Variants in PARM1 observed in about 807,000 individuals in gnomAD.
The protein encoded by PARM1 is prostate androgen-regulated mucin-like protein 1, also known as WSC4, cell wall integrity and stress response component 4 homolog.
PARM1 carries 14 observed loss-of-function variants against 24.6 expected under a neutral mutation model. The ratio of observed to expected loss-of-function variants is 0.57; its 90% CI spans 0.38 to 0.89. PARM1 has a LOEUF of 0.89. Ranked by LOEUF, PARM1 falls within the 40% of genes least tolerant of loss-of-function variation. The pLI is 0.00. For missense variants in PARM1, 362 were observed against 380.4 expected, an observed-to-expected ratio of 0.95 and a Z score of 0.40; for synonymous variants, 179 against 156.6, an observed-to-expected ratio of 1.14 and a Z score of -1.07.
intron 2 of PARM1, among the ~76,000 whole-genome samples, chr4:75,017,932 A>G (rs748634502): frequency 6.6e-6 from 1 of 152,244 alleles, no homozygotes. Flanking sequence ...TTCAGGTAAG[A>G]TAATAAATTT....
At chr4:75,018,256 G>A (rs1168279129) in intron 2 of PARM1, among the ~76,000 whole-genome samples, 2 of 152,200 alleles carry the variant, frequency 1.3e-5, no homozygotes, top group African/African-American at 4.8e-5. Context: ...GGGAGACACT[G>A]TAGATGTAGG....
chr4:75,032,924 G>A (rs1418469335), intron 2 of PARM1, among the ~76,000 whole-genome samples: 3 of 152,142 alleles, frequency 2.0e-5, no homozygotes, highest in Non-Finnish European at 4.4e-5. Context: ...TAAGTATTAG[G>A]GGACAAGAGC....
chr4:74,997,049 G>C (rs1172560845), intron 1 of PARM1, among the ~76,000 whole-genome samples: 1 of 152,198 alleles, frequency 6.6e-6, no homozygotes, highest in Non-Finnish European at 1.5e-5. Flanking sequence ...ATGAAGACTA[G>C]TGAATGCAAT....
At chr4:74,946,504 G>A (rs935275795) in intron 1 of PARM1, among the ~76,000 whole-genome samples, 2 of 152,182 alleles carry the variant, frequency 1.3e-5, no homozygotes, top group Non-Finnish European at 2.9e-5. Context: ...TCTTATAGGT[G>A]CTGAGACTAT....
At chr4:74,938,955 G>A (rs972924158) in intron 1 of PARM1, among the ~76,000 whole-genome samples, 8 of 152,236 alleles carry the variant, frequency 5.3e-5, no homozygotes, top group South Asian at 2.1e-4. Context: ...GGCTAGTATT[G>A]CCAAATTTAG....
chr4:74,941,570 G>A (rs1407999938), intron 1 of PARM1, among the ~76,000 whole-genome samples: 1 of 152,158 alleles, frequency 6.6e-6, no homozygotes, highest in Non-Finnish European at 1.5e-5. Context: ...CATTTTTAGA[G>A]CAATAAGGGA....
chr4:75,013,577 G>C lies in PARM1; in HGVS notation c.769+427G>C, dbSNP rs564728726. Among the ~76,000 whole-genome samples, 38 of 152,324 alleles carry C rather than the reference G, an allele frequency of 2.5e-4. No individual in the cohort carries two copies. The South Asian group carries it at 7.0e-3, about 28-fold the overall frequency. On this transcript the variant is annotated intron_variant, in intron 2 of 3. Transcript: ENST00000307428. ...CACACAGTTCTTGTGGAGATTAACT[G>C]AAATGACATAAAGCACTTAGAACAG...
intron 1 of PARM1, among the ~76,000 whole-genome samples, chr4:74,971,613 G>C (rs986741547): frequency 2.0e-5 from 3 of 152,142 alleles, no homozygotes; most frequent in African/African-American, 7.2e-5. Flanking sequence ...ATGAAATACA[G>C]TCATGTTTTT....
intron 1 of PARM1, chr4:74,969,707 A>G (rs1721984257): frequency 6.6e-6 from 1 of 152,244 alleles, no homozygotes; most frequent in Admixed American, 6.5e-5. Flanking sequence ...CAATGAAACT[A>G]AATACCTCGT....
chr4:74,980,902 G>C (rs1436035549), intron 1 of PARM1, among the ~76,000 whole-genome samples: 2 of 152,152 alleles, frequency 1.3e-5, no homozygotes, highest in African/African-American at 4.8e-5. Flanking sequence ...ATGGTGCTGG[G>C]AAAACTAGCT....
chr4:74,945,670 G>T (rs181154999), intron 1 of PARM1, among the ~76,000 whole-genome samples: 6 of 152,080 alleles, frequency 3.9e-5, no homozygotes, highest in African/African-American at 1.4e-4. Context: ...TAGTTTTTTA[G>T]ATCTCCTCTC....
Position 74,985,755 on chromosome 4 carries a change from G to T in PARM1, c.44-26670G>T, listed in dbSNP as rs533728334. 2.2e-3 allele frequency among the ~76,000 whole-genome samples: 331 copies of T among 152,106 alleles called. 1 individual carries two copies. Among genetic ancestry groups the T allele is most frequent in the Admixed American group, 4.1e-3 (62 of 15,264 alleles). ...GTATCTGAGAGAATAATTCATTGTG[G>T]TTTTTTGTTTGTTTGTTTTTGTTTT... is the stretch of plus-strand genomic sequence containing the variant. On this transcript the variant is annotated intron_variant, in intron 1 of 3. Transcript: ENST00000307428.
intron 1 of PARM1, among the ~76,000 whole-genome samples, chr4:74,940,140 A>T (rs191803543): frequency 3.3e-4 from 51 of 152,266 alleles, no homozygotes; most frequent in African/African-American, 1.2e-3. Flanking sequence ...TCCTAATACG[A>T]AGTTAACAAA....
intron 2 of PARM1, among the ~76,000 whole-genome samples, chr4:75,032,999 C>T (rs559644476): frequency 4.6e-5 from 7 of 152,304 alleles, no homozygotes; most frequent in Admixed American, 4.6e-4. Flanking sequence ...TAATGCAAAG[C>T]TCACACAAAA....
rs1560768667 is a variant in PARM1 at position 74,936,457 on chromosome 4, T to TTG, written c.43+3088_43+3089insGT. On this transcript the variant is annotated intron_variant, in intron 1 of 3. Transcript: ENST00000307428. ...TCAAGTGTTTTTTTTTTGTTTGTTT[T>TTG]TTTGTTTTTTTTTTGAGATGGAGTC... Among the ~76,000 whole-genome samples the TTG allele has an allele frequency of 1.3e-4, 8 of 61,418 alleles. No homozygotes were observed. The South Asian group carries it at 2.1e-3, about 16-fold the overall frequency. 40.3% of individuals were successfully genotyped at this position (61,418 alleles called of 152,430 possible).
chr4:74,953,758 A>G (rs1291622067), intron 1 of PARM1, among the ~76,000 whole-genome samples: 2 of 152,276 alleles, frequency 1.3e-5, no homozygotes, highest in East Asian at 3.9e-4. Flanking sequence ...AAGAAACATT[A>G]AAGTTTGAAA....
At chr4:75,038,164 C>G (rs755714232) in intron 3 of PARM1, among the ~76,000 whole-genome samples, 8 of 152,170 alleles carry the variant, frequency 5.3e-5, no homozygotes, top group Non-Finnish European at 8.8e-5. Context: ...ATCCGCCCAC[C>G]TTGGCCTTCC....
At chr4:74,966,566 G>A (rs1309311865) in intron 1 of PARM1, among the ~76,000 whole-genome samples, 1 of 152,176 alleles carries the variant, frequency 6.6e-6, no homozygotes. Context: ...CAGAATTCTT[G>A]CTGAGACTGG....
Position 75,046,195 on chromosome 4 carries a change from A to G in PARM1, c.881A>G (p.His294Arg). ...HSSYGRLLDD[H>R]DYGSWGNYNN... ...TCCTATGGAAGACTTTTGGACGACC[A>G]TGACTACGGGTCCTGGGGAAACTAC... The change falls in exon 4 of 4, where the codon CAT becomes CGT. Residue 294 changes from histidine to arginine, a missense_variant. His to Arg is a conservative substitution (Grantham distance 29). Coordinates refer to ENST00000307428, the MANE Select transcript of PARM1 (RefSeq NM_015393.4). 1 of 1,613,202 alleles carries G rather than the reference A, an allele frequency of 6.2e-7. No individual in the cohort carries two copies. The highest frequency in any genetic ancestry group is 8.5e-7 in the Non-Finnish European group (1 of 1,179,214).
Sources: gnomAD v4.1 joint callset for allele counts (sites outside exome capture counted in the v4.1 genomes callset) on GRCh38, gnomAD v4.1.1 for gene constraint, MANE v1.5 for transcripts, NCBI Gene and HGNC (gene_info 2026-07-23, HGNC 2026-07-21) for gene names.